The following EXOC4 variants were observed in gnomAD, a reference collection of about 807,000 sequenced individuals.
EXOC4 encodes the protein SEC8-like 1.
A neutral mutation model predicts 107.2 loss-of-function variants in EXOC4; 71 were observed. That is an observed-to-expected ratio of 0.66 (90% CI 0.55 to 0.81). The LOEUF is 0.81. EXOC4 is among the 30% of genes least tolerant of loss of function. The pLI is 0.00. For synonymous variants in EXOC4, 456 were observed against 441.2 expected (o/e 1.03, Z -0.42); for missense variants, 1,108 against 1,189.6 (o/e 0.93, Z 1.01).
chr7:133,515,554 G>C lies in EXOC4; in HGVS notation c.1417+35416G>C, dbSNP rs1584971103. On this transcript the variant is annotated intron_variant, in intron 9 of 17. Transcript: ENST00000253861. ...CAAGGTCATAGATTACTGCAGGGTA[G>C]AACTCCTGGGCTCAAGTGATCCTCC... Among the ~76,000 whole-genome samples the C allele has an allele frequency of 2.6e-5, 4 of 152,172 alleles. No homozygotes were observed. The South Asian group carries it at 8.3e-4, about 32-fold the overall frequency.
At chr7:133,324,376 C>G (rs1795185738) in intron 5 of EXOC4, among the ~76,000 whole-genome samples, 1 of 152,188 alleles carries the variant, frequency 6.6e-6, no homozygotes, top group Non-Finnish European at 1.5e-5. Flanking sequence ...CTACACACTG[C>G]TTTAAATGTG....
At chr7:133,768,546 A>G (rs1020725926) in intron 10 of EXOC4, 6 of 151,962 alleles carry the variant, frequency 3.9e-5, no homozygotes, top group African/African-American at 7.2e-5. Context: ...ACTGTCACCA[A>G]GATTAGTTAA....
intron 2 of EXOC4, among the ~76,000 whole-genome samples, chr7:133,281,795 G>A (rs1157968462): frequency 1.3e-5 from 2 of 149,928 alleles, no homozygotes; most frequent in Admixed American, 6.7e-5. Context: ...TTCGCCTCCC[G>A]GGTTCAAGTG....
intron 9 of EXOC4, among the ~76,000 whole-genome samples, chr7:133,618,666 G>T (rs143290186): frequency 6.6e-6 from 1 of 152,158 alleles, no homozygotes. Flanking sequence ...TTTTTCTATT[G>T]GTTGGTGTCA....
chr7:133,734,027 T>C (rs948433974), intron 10 of EXOC4, among the ~76,000 whole-genome samples: 6 of 152,246 alleles, frequency 3.9e-5, no homozygotes, highest in African/African-American at 1.4e-4. Flanking sequence ...AACTCCATAA[T>C]TGACATTCTG....
chr7:133,437,731 GC>G (rs1798008585), intron 7 of EXOC4, among the ~76,000 whole-genome samples: 1 of 152,044 alleles, frequency 6.6e-6, no homozygotes, highest in East Asian at 1.9e-4. Context: ...CATCATCCAG[GC>G]CTGCTGATTG....
chr7:133,569,603 G>A (rs1800976222), intron 9 of EXOC4, among the ~76,000 whole-genome samples: 1 of 152,112 alleles, frequency 6.6e-6, no homozygotes, highest in Non-Finnish European at 1.5e-5. Context: ...TAATATTGAG[G>A]AAAGATGTGT....
chr7:133,457,706 T>C (rs934861573), intron 7 of EXOC4, among the ~76,000 whole-genome samples: 3 of 152,196 alleles, frequency 2.0e-5, no homozygotes, highest in Non-Finnish European at 4.4e-5. Context: ...AGAGACATTT[T>C]CTGAAAATAA....
chr7:133,417,478 T>C (rs1251369802), intron 7 of EXOC4, among the ~76,000 whole-genome samples: 2 of 152,178 alleles, frequency 1.3e-5, no homozygotes, highest in African/African-American at 4.8e-5. Context: ...TAAAAAAATC[T>C]CATTTATAAT....
At chr7:133,918,941 T>G (rs1799873865) in intron 13 of EXOC4, among the ~76,000 whole-genome samples, 1 of 152,210 alleles carries the variant, frequency 6.6e-6, no homozygotes, top group South Asian at 2.1e-4. Context: ...TGTTCTTATC[T>G]CTCTCAAATT....
At chr7:134,002,191 GA>G (rs1323957962) in intron 15 of EXOC4, among the ~76,000 whole-genome samples, 2 of 152,118 alleles carry the variant, frequency 1.3e-5, no homozygotes, top group Non-Finnish European at 2.9e-5. Flanking sequence ...TTTTATTGGT[GA>G]AATTAGTCAT....
intron 9 of EXOC4, among the ~76,000 whole-genome samples, chr7:133,483,114 T>G (rs1446827795): frequency 6.6e-6 from 1 of 152,184 alleles, no homozygotes; most frequent in Non-Finnish European, 1.5e-5. Context: ...AAGAGCAAAA[T>G]ACTATTTTAT....
chr7:133,870,488 C>T (rs183016274), intron 11 of EXOC4, among the ~76,000 whole-genome samples: 5 of 152,330 alleles, frequency 3.3e-5, no homozygotes, highest in African/African-American at 1.2e-4. Context: ...CTCAGTGCTA[C>T]ATCCAGCTTT....
chr7:133,911,552 G>A (rs899921971), intron 12 of EXOC4, among the ~76,000 whole-genome samples: 1 of 152,140 alleles, frequency 6.6e-6, no homozygotes, highest in African/African-American at 2.4e-5. Context: ...TGGGATCGAT[G>A]CATATTAGAG....
intron 9 of EXOC4, among the ~76,000 whole-genome samples, chr7:133,594,493 C>CTTTTGTTTTTTTTTTTT: frequency 1.1e-5 from 1 of 90,356 alleles, no homozygotes; most frequent in Non-Finnish European, 2.0e-5. Flanking sequence ...AAGCTTGAGT[C>CTTTTGTTTTTTTTTTTT]TTTTTTTTTT....
chr7:133,512,336 G>A (rs943436887), intron 9 of EXOC4, among the ~76,000 whole-genome samples: 1 of 152,074 alleles, frequency 6.6e-6, no homozygotes, highest in Non-Finnish European at 1.5e-5. Context: ...AACTAAGGCA[G>A]TAGAATCACT....
intron 10 of EXOC4, among the ~76,000 whole-genome samples, chr7:133,734,659 A>G (rs1469725600): frequency 6.6e-6 from 1 of 152,016 alleles, no homozygotes; most frequent in East Asian, 1.9e-4. Flanking sequence ...CAAGTTTGAC[A>G]CTTTTTGAGC....
chr7:133,365,153 C>T (rs909537465), intron 6 of EXOC4, among the ~76,000 whole-genome samples: 5 of 152,074 alleles, frequency 3.3e-5, no homozygotes, highest in Non-Finnish European at 7.4e-5. Context: ...ATTTTATTAT[C>T]TAAACAATTC....
intron 14 of EXOC4, among the ~76,000 whole-genome samples, chr7:133,940,780 T>A (rs1053788456): frequency 2.5e-4 from 38 of 151,198 alleles, no homozygotes; most frequent in Admixed American, 6.6e-4. Context: ...TTTTATTATT[T>A]TTTTTTTTTT....
Sources: allele counts gnomAD v4.1 joint callset (sites outside exome capture counted in the v4.1 genomes callset), GRCh38; gene constraint gnomAD v4.1.1; transcripts MANE v1.5; gene names NCBI Gene and HGNC (gene_info 2026-07-23, HGNC 2026-07-21).